The following KCTD8 variants were observed in gnomAD, a reference collection of about 807,000 sequenced individuals.
KCTD8 encodes the protein potassium channel tetramerization domain containing 8.
A neutral mutation model predicts 31.5 loss-of-function variants in KCTD8; 27 were observed. The ratio of observed to expected loss-of-function variants is 0.86; its 90% confidence interval spans 0.63 to 1.18. KCTD8 has a LOEUF of 1.18. Ranked by LOEUF, KCTD8 falls within the 50% of genes most tolerant of loss-of-function variation. KCTD8 has a pLI of 0.00. For missense variants in KCTD8, 658 were observed against 647.7 expected (o/e 1.02, Z -0.17); for synonymous variants, 290 against 280.0 (o/e 1.04, Z -0.36).
intron 1 of KCTD8, among the ~76,000 whole-genome samples, chr4:44,261,323 A>G (rs571300611): frequency 4.2e-4 from 64 of 152,090 alleles, no homozygotes; most frequent in African/African-American, 1.5e-3. Flanking sequence ...TTGAAAACTC[A>G]AGTCTTAATT....
chr4:44,223,695 A>G (rs1231970399), intron 1 of KCTD8, among the ~76,000 whole-genome samples: 1 of 152,158 alleles, frequency 6.6e-6, no homozygotes, highest in African/African-American at 2.4e-5. Context: ...GGCAATTTAT[A>G]TTTGATTGAC....
At chr4:44,290,710 T>A (rs1435072585) in intron 1 of KCTD8, among the ~76,000 whole-genome samples, 5 of 152,038 alleles carry the variant, frequency 3.3e-5, no homozygotes, top group Non-Finnish European at 7.4e-5. Context: ...CCTGAGTAAC[T>A]CTTGGGTGAG....
chr4:44,248,392 C>T (rs938758405), intron 1 of KCTD8, among the ~76,000 whole-genome samples: 6 of 150,888 alleles, frequency 4.0e-5, no homozygotes, highest in African/African-American at 1.5e-4. Context: ...GTGCTTCACC[C>T]ATAATTCTAC....
chr4:44,441,380 G>A (rs1023497619), intron 1 of KCTD8, among the ~76,000 whole-genome samples: 4 of 152,010 alleles, frequency 2.6e-5, no homozygotes, highest in African/African-American at 7.2e-5. Context: ...TCATGAATAC[G>A]ATAGCATTAA....
intron 1 of KCTD8, among the ~76,000 whole-genome samples, chr4:44,378,543 T>C (rs982278751): frequency 1.3e-5 from 2 of 152,056 alleles, no homozygotes; most frequent in African/African-American, 4.8e-5. Flanking sequence ...ACCTATCATA[T>C]TATGGTGGAA....
At chr4:44,278,394 C>A (rs879320601) in intron 1 of KCTD8, among the ~76,000 whole-genome samples, 126 of 152,036 alleles carry the variant, frequency 8.3e-4, no homozygotes, top group Non-Finnish European at 1.3e-3. Context: ...AAAAGAAAAA[C>A]AGCTATCAAG....
At chr4:44,435,989 T>C (rs1311799816) in intron 1 of KCTD8, among the ~76,000 whole-genome samples, 1 of 152,086 alleles carries the variant, frequency 6.6e-6, no homozygotes, top group East Asian at 1.9e-4. Flanking sequence ...AAAACACAAA[T>C]TAGAAAACCA....
chr4:44,401,336 A>C (rs1220073295), intron 1 of KCTD8, among the ~76,000 whole-genome samples: 1 of 152,032 alleles, frequency 6.6e-6, no homozygotes, highest in Non-Finnish European at 1.5e-5. Context: ...TGGAGTTTTC[A>C]TCATTGTTTT....
chr4:44,229,735 T>A (rs1162956888), intron 1 of KCTD8, among the ~76,000 whole-genome samples: 1 of 152,148 alleles, frequency 6.6e-6, no homozygotes, highest in East Asian at 1.9e-4. Flanking sequence ...CCCTTTTAAA[T>A]GAAAACAAAC....
At chr4:44,379,403 G>A (rs1720002765) in intron 1 of KCTD8, among the ~76,000 whole-genome samples, 1 of 152,124 alleles carries the variant, frequency 6.6e-6, no homozygotes, top group Non-Finnish European at 1.5e-5. Context: ...CGCACCAAGT[G>A]ATAGACTACT....
intron 1 of KCTD8, among the ~76,000 whole-genome samples, chr4:44,301,206 A>C (rs1406574166): frequency 6.6e-6 from 1 of 152,292 alleles, no homozygotes; most frequent in Non-Finnish European, 1.5e-5. Context: ...TAGCAGCATA[A>C]GTTATAGTCC....
At chr4:44,267,928 G>A (rs1214608261) in intron 1 of KCTD8, among the ~76,000 whole-genome samples, 1 of 152,138 alleles carries the variant, frequency 6.6e-6, no homozygotes, top group Non-Finnish European at 1.5e-5. Context: ...AAGAGTCCAG[G>A]ACCAGATGGA....
At chr4:44,403,801 C>A (rs977594057) in intron 1 of KCTD8, among the ~76,000 whole-genome samples, 2 of 152,080 alleles carry the variant, frequency 1.3e-5, no homozygotes, top group Admixed American at 6.5e-5. Flanking sequence ...CAGCCCATAA[C>A]AGGTACTAAG....
intron 1 of KCTD8, among the ~76,000 whole-genome samples, chr4:44,355,606 T>G (rs1719322402): frequency 6.6e-6 from 1 of 152,204 alleles, no homozygotes; most frequent in Admixed American, 6.5e-5. Flanking sequence ...ATGTTTGCCA[T>G]GAAGAAATTG....
chr4:44,233,578 T>C (rs115344005), intron 1 of KCTD8, among the ~76,000 whole-genome samples: 1 of 152,278 alleles, frequency 6.6e-6, no homozygotes, highest in African/African-American at 2.4e-5. Flanking sequence ...TATGATGAAC[T>C]GAAGGACAGA....
chr4:44,332,657 T>C (rs758115002), intron 1 of KCTD8, among the ~76,000 whole-genome samples: 68 of 152,098 alleles, frequency 4.5e-4, no homozygotes, highest in Middle Eastern at 3.4e-3. Flanking sequence ...AAGAAAAGTT[T>C]AAATGAAAGA....
intron 1 of KCTD8, among the ~76,000 whole-genome samples, chr4:44,415,594 C>T (rs2109466874): frequency 6.6e-6 from 1 of 152,270 alleles, no homozygotes; most frequent in Admixed American, 6.5e-5. Flanking sequence ...GGACACTGCT[C>T]CCTGCATTCC....
At chr4:44,247,209 C>T (rs1715691694) in intron 1 of KCTD8, among the ~76,000 whole-genome samples, 1 of 151,864 alleles carries the variant, frequency 6.6e-6, no homozygotes, top group African/African-American at 2.4e-5. Context: ...CCTAAATCTG[C>T]TTTTTATTTC....
chr4:44,322,743 C>A (rs2109406981), intron 1 of KCTD8, among the ~76,000 whole-genome samples: 1 of 152,080 alleles, frequency 6.6e-6, no homozygotes, highest in African/African-American at 2.4e-5. Context: ...TGTCTGTAAT[C>A]TATTTTGAGT....
Sources: gnomAD v4.1 joint callset for allele counts (sites outside exome capture counted in the v4.1 genomes callset) on GRCh38, gnomAD v4.1.1 for gene constraint, MANE v1.5 for transcripts, NCBI Gene and HGNC (gene_info 2026-07-23, HGNC 2026-07-21) for gene names.